TGFBR3: variants seen among roughly 807,000 people sequenced by gnomAD.
TGFBR3 encodes the protein transforming growth factor beta receptor 3, also known as transforming growth factor beta receptor type 3.
TGFBR3 carries 46 observed loss-of-function variants against 87.9 expected under a neutral mutation model. The ratio of observed to expected loss-of-function variants is 0.52; its 90% CI spans 0.41 to 0.67. The LOEUF (loss-of-function observed/expected upper bound fraction) is 0.67. TGFBR3 is among the 30% of genes least tolerant of loss of function. The probability of loss-of-function intolerance (pLI) is 0.00; values close to 1 mark genes in which losing one functional copy is unlikely to be tolerated. For synonymous variants in TGFBR3, 381 were observed against 391.6 expected, an observed-to-expected ratio of 0.97 and a Z score of 0.32; for missense variants, 866 against 1,041.9, an observed-to-expected ratio of 0.83 and a Z score of 2.32.
intron 14 of TGFBR3, among the ~76,000 whole-genome samples, chr1:91,703,541 T>C (rs553088818): frequency 1.3e-5 from 2 of 152,358 alleles, no homozygotes; most frequent in Admixed American, 1.3e-4. Flanking sequence ...TGATATTTAT[T>C]GCTCCTGATG....
chr1:91,794,994 G>A (rs1394400589), intron 3 of TGFBR3, among the ~76,000 whole-genome samples: 2 of 152,214 alleles, frequency 1.3e-5, no homozygotes, highest in Non-Finnish European at 2.9e-5. Flanking sequence ...AAAAGAGTGA[G>A]CGATATTTAA....
intron 2 of TGFBR3, among the ~76,000 whole-genome samples, chr1:91,805,276 T>C (rs1675787106): frequency 6.6e-6 from 1 of 152,206 alleles, no homozygotes; most frequent in African/African-American, 2.4e-5. Flanking sequence ...TCCTTAAGGG[T>C]AGCTCCCAAA....
intron 2 of TGFBR3, among the ~76,000 whole-genome samples, chr1:91,840,810 A>G (rs1035258810): frequency 7.3e-6 from 1 of 137,466 alleles, no homozygotes; most frequent in Non-Finnish European, 1.6e-5. Context: ...CACTTTGTTC[A>G]TTTTCTTTTT....
chr1:91,827,253 C>T (rs1676679074), intron 2 of TGFBR3, among the ~76,000 whole-genome samples: 1 of 152,100 alleles, frequency 6.6e-6, no homozygotes, highest in African/African-American at 2.4e-5. Context: ...ACAGAACCAG[C>T]GGGGCGTGTA....
At chr1:91,882,848 T>C (rs2391092) in intron 1 of TGFBR3, among the ~76,000 whole-genome samples, 139,534 of 152,244 alleles carry the variant, frequency 0.92, 64,644 homozygotes, top group Non-Finnish European at 0.99. Context: ...CACATCACAC[T>C]TATACTAGTA....
intron 13 of TGFBR3, among the ~76,000 whole-genome samples, chr1:91,711,532 T>A (rs551938799): frequency 7.9e-5 from 12 of 152,328 alleles, no homozygotes; most frequent in African/African-American, 2.6e-4. Context: ...CTGTGTGAGA[T>A]AGCCACAGAA....
intron 2 of TGFBR3, among the ~76,000 whole-genome samples, chr1:91,851,712 G>A (rs1677743339): frequency 6.6e-6 from 1 of 152,198 alleles, no homozygotes; most frequent in Non-Finnish European, 1.5e-5. Flanking sequence ...TGATGGAAGT[G>A]TTGATCACTG....
intron 2 of TGFBR3, among the ~76,000 whole-genome samples, chr1:91,849,795 A>G (rs1455289325): frequency 6.6e-6 from 1 of 152,200 alleles, no homozygotes; most frequent in Non-Finnish European, 1.5e-5. Flanking sequence ...TTAGAAAAAA[A>G]TGAAAAGGCC....
chr1:91,786,160 G>T lies in TGFBR3; in HGVS notation c.246+11127C>A, dbSNP rs1289469965. 3.3e-5 allele frequency: 15 copies of T among 455,582 alleles called. No individual in the cohort carries two copies. The East Asian group carries it at 4.2e-4, about 13-fold the overall frequency. 28.2% of individuals were successfully genotyped at this position (455,582 alleles called of 1,614,324 possible). A position where few individuals can be genotyped will look rare whatever the true frequency, so the allele number is the denominator to read the frequency against. On this transcript the variant is annotated intron_variant, in intron 3 of 16. Transcript: ENST00000212355. ...TAATAGGTGCTAAAGACATAAAAAT[G>T]AGTAAGAATCTGGCAGAGCACCTAC... is the stretch of plus-strand genomic sequence containing the variant.
intron 10 of TGFBR3, among the ~76,000 whole-genome samples, chr1:91,718,321 G>T (rs945338715): frequency 1.3e-5 from 2 of 152,054 alleles, no homozygotes; most frequent in Admixed American, 6.5e-5. Context: ...AATATGCTTG[G>T]GTTCATGGGA....
At chr1:91,803,546 T>G (rs1675723022) in intron 2 of TGFBR3, among the ~76,000 whole-genome samples, 1 of 152,096 alleles carries the variant, frequency 6.6e-6, no homozygotes, top group Non-Finnish European at 1.5e-5. Context: ...CTGCTTTTTT[T>G]TTTTTAATAG....
intron 2 of TGFBR3, among the ~76,000 whole-genome samples, chr1:91,808,160 G>A (rs1415397867): frequency 6.6e-6 from 1 of 152,216 alleles, no homozygotes; most frequent in Non-Finnish European, 1.5e-5. Context: ...TGTACTCCCT[G>A]TAATCATGCC....
intron 2 of TGFBR3, among the ~76,000 whole-genome samples, chr1:91,860,934 C>T (rs1323086664): frequency 2.8e-5 from 1 of 35,636 alleles, no homozygotes; most frequent in Admixed American, 4.3e-4. Context: ...TCTGTCTCCA[C>T]AAAAAAAAAA....
At chr1:91,840,815 CT>C (rs35003643) in intron 2 of TGFBR3, among the ~76,000 whole-genome samples, 50,602 of 146,864 alleles carry the variant, frequency 0.34, 8,420 homozygotes, top group Non-Finnish European at 0.36. Context: ...TGTTCATTTT[CT>C]TTTTTTTTTT....
At chr1:91,713,591 G>T (rs11165306) in intron 12 of TGFBR3, among the ~76,000 whole-genome samples, 1 of 151,976 alleles carries the variant, frequency 6.6e-6, no homozygotes, top group Non-Finnish European at 1.5e-5. Flanking sequence ...GACTTTCCAC[G>T]CTGAGATACC....
upstream of TGFBR3, among the ~76,000 whole-genome samples, chr1:91,889,696 C>T (rs911126512): frequency 1.3e-5 from 2 of 151,894 alleles, no homozygotes; most frequent in African/African-American, 4.8e-5. Flanking sequence ...TTTTTTGAGA[C>T]GGAGTTTCCC....
rs373250393 is a variant in TGFBR3 at position 91,784,650 on chromosome 1, G to A, written c.246+12637C>T. ...TAAGACCTAAGCATGGGCTTCCAAA[G>A]TGGCAAGAATTGAGAGACTGAAGAA... On this transcript the variant is annotated intron_variant, in intron 3 of 16. Transcript: ENST00000212355. Among the ~76,000 whole-genome samples, 19 of 152,306 alleles carry A rather than the reference G, an allele frequency of 1.2e-4. 1 individual carries two copies. The highest frequency in any genetic ancestry group is 4.6e-4 in the African/African-American group (19 of 41,564).
intron 16 of TGFBR3, 64 bp downstream of exon 16, chr1:91,695,608 G>A: frequency 1.6e-6 from 2 of 1,221,122 alleles, no homozygotes; most frequent in South Asian, 2.4e-5. Flanking sequence ...ACAAAACACT[G>A]AGTGTCTATT....
intron 1 of TGFBR3, among the ~76,000 whole-genome samples, chr1:91,885,229 C>A (rs1381413583): frequency 6.6e-6 from 1 of 152,198 alleles, no homozygotes; most frequent in African/African-American, 2.4e-5. Flanking sequence ...TGACACTATG[C>A]GATTCTGCAA....
Sources: gnomAD v4.1 joint callset for allele counts (sites outside exome capture counted in the v4.1 genomes callset) on GRCh38, gnomAD v4.1.1 for gene constraint, MANE v1.5 for transcripts, NCBI Gene and HGNC (gene_info 2026-07-23, HGNC 2026-07-21) for gene names.